CAP2: variants seen among roughly 807,000 people sequenced by gnomAD.
CAP2 encodes adenylyl cyclase-associated protein 2.
CAP2 carries 24 observed loss-of-function variants against 57.7 expected under a neutral mutation model. That is an observed-to-expected ratio of 0.42 (90% CI 0.30 to 0.58). The LOEUF is 0.58. CAP2 is among the 20% of genes least tolerant of loss of function. CAP2 has a pLI of 0.22. For missense variants in CAP2, 501 were observed against 590.3 expected (o/e 0.85, Z 1.57); for synonymous variants, 194 against 207.2 (o/e 0.94, Z 0.55).
intron 2 of CAP2, among the ~76,000 whole-genome samples, chr6:17,425,243 C>T (rs1442441574): frequency 6.6e-6 from 1 of 152,174 alleles, no homozygotes; most frequent in Non-Finnish European, 1.5e-5. Context: ...ATATTAGGGA[C>T]ATGAAATCAG....
intron 3 of CAP2, among the ~76,000 whole-genome samples, chr6:17,455,965 TTGC>T (rs1312887437): frequency 2.0e-5 from 3 of 152,226 alleles, no homozygotes; most frequent in African/African-American, 4.8e-5. Context: ...TTGTACAGAT[TTGC>T]TGCTGCTAAC....
chr6:17,436,759 C>T (rs1242457134), intron 3 of CAP2, among the ~76,000 whole-genome samples: 1 of 152,070 alleles, frequency 6.6e-6, no homozygotes, highest in East Asian at 1.9e-4. Context: ...ATGCTGATGC[C>T]ATCTATGTCA....
intron 4 of CAP2, among the ~76,000 whole-genome samples, chr6:17,488,033 T>C (rs6459549): frequency 0.13 from 20,238 of 152,056 alleles, 1,518 homozygotes; most frequent in Admixed American, 0.19. Context: ...CAAGTGATCC[T>C]CCCGCCTCAG....
chr6:17,495,534 C>T (rs1469116404), intron 4 of CAP2, among the ~76,000 whole-genome samples: 1 of 152,088 alleles, frequency 6.6e-6, no homozygotes, highest in African/African-American at 2.4e-5. Flanking sequence ...CCACACTTTC[C>T]CTTTGGGGTC....
chr6:17,526,120 C>CTTTTTT (rs1372740605), intron 7 of CAP2, among the ~76,000 whole-genome samples: 1 of 142,318 alleles, frequency 7.0e-6, no homozygotes, highest in African/African-American at 2.6e-5. Flanking sequence ...GAAAATGTGT[C>CTTTTTT]TTTTTTTTTT....
chr6:17,519,242 G>A (rs760690638), intron 7 of CAP2, among the ~76,000 whole-genome samples: 6 of 152,090 alleles, frequency 3.9e-5, no homozygotes, highest in African/African-American at 7.2e-5. Context: ...CCTCCAGACC[G>A]CAGCTGTGTC....
At chr6:17,540,029 C>T (rs182708834) in intron 8 of CAP2, among the ~76,000 whole-genome samples, 183 of 152,300 alleles carry the variant, frequency 1.2e-3, no homozygotes, top group African/African-American at 4.1e-3. Context: ...CTGCGGTGAG[C>T]TGAGATCGCA....
At chr6:17,456,827 G>A (rs1312365069) in intron 3 of CAP2, among the ~76,000 whole-genome samples, 2 of 152,040 alleles carry the variant, frequency 1.3e-5, no homozygotes, top group African/African-American at 2.4e-5. Context: ...CTTTCCCCCC[G>A]TTGTGCCTGT....
intron 3 of CAP2, among the ~76,000 whole-genome samples, chr6:17,448,373 A>G (rs1760315640): frequency 6.6e-6 from 1 of 152,252 alleles, no homozygotes; most frequent in Non-Finnish European, 1.5e-5. Flanking sequence ...GAATTTGGAG[A>G]GGAGCCAATC....
intron 1 of CAP2, among the ~76,000 whole-genome samples, chr6:17,419,896 A>G (rs1216539702): frequency 6.6e-6 from 1 of 151,442 alleles, no homozygotes; most frequent in Non-Finnish European, 1.5e-5. Flanking sequence ...TTTTTGAGAC[A>G]GAGTCTCACT....
chr6:17,472,618 G>T (rs542003439), intron 4 of CAP2, among the ~76,000 whole-genome samples: 1 of 152,310 alleles, frequency 6.6e-6, no homozygotes, highest in African/African-American at 2.4e-5. Flanking sequence ...CCTTCCAATG[G>T]CAAGAGAATT....
intron 1 of CAP2, among the ~76,000 whole-genome samples, chr6:17,394,707 A>G (rs561035336): frequency 6.6e-6 from 1 of 152,300 alleles, no homozygotes; most frequent in South Asian, 2.1e-4. Flanking sequence ...CATTGAAGCT[A>G]TGTTCCTTAG....
intron 7 of CAP2, among the ~76,000 whole-genome samples, chr6:17,533,678 C>G (rs1045068743): frequency 2.0e-5 from 3 of 151,596 alleles, no homozygotes; most frequent in African/African-American, 4.9e-5. Flanking sequence ...AAGCGATTCT[C>G]CTGCCTCAGC....
chr6:17,556,410 T>A lies in CAP2; in HGVS notation c.1402T>A (p.Leu468Ile), dbSNP rs1763316528. ...QFKTAWDGSK[L>I]ITEPAEIMA Reference sequence around the variant, plus strand: ...CAAGACAGCATGGGATGGATCCAAGTTAATCACTGAACCTGCAGAAATTAT... The same window carrying A: ...CAAGACAGCATGGGATGGATCCAAGATAATCACTGAACCTGCAGAAATTAT... The change falls in exon 13 of 13, where the codon TTA becomes ATA. Residue 468 changes from leucine (L) to isoleucine (I), a missense_variant. By Grantham distance (5) the Leu-to-Ile change is conservative. Transcript: ENST00000229922. 1 of 1,613,752 alleles carries A rather than the reference T, an allele frequency of 6.2e-7. No homozygotes were observed. Among genetic ancestry groups the A allele is most frequent in the Non-Finnish European group, 8.5e-7 (1 of 1,179,740 alleles).
At chr6:17,417,485 G>GA (rs1159456803) in intron 1 of CAP2, among the ~76,000 whole-genome samples, 18 of 152,026 alleles carry the variant, frequency 1.2e-4, no homozygotes, top group Non-Finnish European at 2.6e-4. Flanking sequence ...GTGTTGCCCA[G>GA]GCTGGTCTAG....
intron 4 of CAP2, among the ~76,000 whole-genome samples, chr6:17,474,823 T>G (rs1761108855): frequency 6.6e-6 from 1 of 152,166 alleles, no homozygotes; most frequent in South Asian, 2.1e-4. Flanking sequence ...ATTGTGGTCT[T>G]CACAATATTT....
At position 17,553,702 on chromosome 6, in the gene CAP2, C is replaced by T. The variant is rs555140228; in HGVS notation, c.1350+2098C>T. 5.3e-5 allele frequency among the ~76,000 whole-genome samples: 8 copies of T among 151,762 alleles called. No individual in the cohort carries two copies. The South Asian group carries it at 1.3e-3, about 24-fold the overall frequency. ...CCTTGTGGCCCTCTTCACATGTTCT[C>T]GGTTGGAGCTGGTAGGGAACAACAC... On this transcript the variant is annotated intron_variant, in intron 12 of 12. Coordinates refer to ENST00000229922, the MANE Select transcript of CAP2 (RefSeq NM_006366.3).
At chr6:17,533,243 T>G (rs1762692766) in intron 7 of CAP2, among the ~76,000 whole-genome samples, 4 of 152,204 alleles carry the variant, frequency 2.6e-5, no homozygotes, top group Admixed American at 2.0e-4. Context: ...ATATAGTATA[T>G]GTATCCAAAA....
chr6:17,407,148 T>G (rs1256069112), intron 1 of CAP2, among the ~76,000 whole-genome samples: 1 of 152,226 alleles, frequency 6.6e-6, no homozygotes, highest in Non-Finnish European at 1.5e-5. Context: ...TTTCTCTTGT[T>G]TCCTTTTTCT....
Sources: allele counts gnomAD v4.1 joint callset (sites outside exome capture counted in the v4.1 genomes callset), GRCh38; gene constraint gnomAD v4.1.1; transcripts MANE v1.5; gene names NCBI Gene and HGNC (gene_info 2026-07-23, HGNC 2026-07-21).